RAB38: variants seen among roughly 807,000 people sequenced by gnomAD.
The protein encoded by RAB38 is RAB38, member RAS oncogene family.
A neutral mutation model predicts 18.4 loss-of-function variants in RAB38; 15 were observed. That is an observed-to-expected ratio of 0.82 (90% CI 0.55 to 1.26). The LOEUF is 1.26. Ranked by LOEUF, RAB38 falls within the 50% of genes most tolerant of loss-of-function variation. RAB38 has a pLI of 0.00. For missense variants in RAB38, 294 were observed against 267.4 expected (o/e 1.10, Z -0.69); for synonymous variants, 101 against 104.4 (o/e 0.97, Z 0.20).
the RAB38 span, among the ~76,000 whole-genome samples, chr11:88,107,460 T>C: frequency 6.6e-6 from 1 of 152,120 alleles, no homozygotes; most frequent in Non-Finnish European, 1.5e-5. Flanking sequence ...CTACATGTAT[T>C]GATTACTTGT....
rs914005717 is a variant in RAB38, at chr11:88,113,900, T to C, written c.*88A>G. On this transcript the variant is annotated 3_prime_UTR_variant, in exon 3 of 3. Coordinates refer to ENST00000243662, the MANE Select transcript of RAB38 (RefSeq NM_022337.3). ...TGGCTTGCCACATGTGGTATCTCTA[T>C]CCTGACGTTTACCCAAAATGGTAAA... is the stretch of plus-strand genomic sequence containing the variant. The C allele has an allele frequency of 1.6e-5, 24 of 1,514,174 alleles. No individual in the cohort carries two copies. In the East Asian group the frequency reaches 5.4e-4, roughly 34 times the overall value. The allele number at this position is 1,514,174 out of a possible 1,614,324, so 93.8% of individuals were successfully genotyped here.
chr11:87,964,049 A>G, the RAB38 span, among the ~76,000 whole-genome samples: 1 of 152,214 alleles, frequency 6.6e-6, no homozygotes, highest in African/African-American at 2.4e-5. Flanking sequence ...TAAGTCCTCC[A>G]AAAATGGAGC....
chr11:87,806,116 A>C, the RAB38 span, among the ~76,000 whole-genome samples: 3 of 152,350 alleles, frequency 2.0e-5, no homozygotes, highest in South Asian at 6.2e-4. Context: ...TTAAAGTGTG[A>C]TAACTGATAA....
At chr11:87,875,290 T>C in the RAB38 span, among the ~76,000 whole-genome samples, 1 of 151,352 alleles carries the variant, frequency 6.6e-6, no homozygotes, top group African/African-American at 2.4e-5. Flanking sequence ...AGTCCACAAA[T>C]GTATGCAATT....
intron 1 of RAB38, among the ~76,000 whole-genome samples, chr11:88,158,828 A>C (rs1015141239): frequency 2.0e-5 from 3 of 152,080 alleles, no homozygotes; most frequent in Non-Finnish European, 4.4e-5. Flanking sequence ...AGAGGCAAAA[A>C]GTAGAAGCAA....
At chr11:88,035,580 A>C in the RAB38 span, among the ~76,000 whole-genome samples, 4 of 152,214 alleles carry the variant, frequency 2.6e-5, no homozygotes, top group African/African-American at 7.2e-5. Flanking sequence ...CCAATATTCA[A>C]GGGCAAGAAG....
the RAB38 span, among the ~76,000 whole-genome samples, chr11:87,874,942 C>A: frequency 6.6e-6 from 1 of 151,330 alleles, no homozygotes; most frequent in African/African-American, 2.4e-5. Flanking sequence ...CATCCCACTT[C>A]TGGGTATATA....
chr11:87,960,565 G>T, the RAB38 span, among the ~76,000 whole-genome samples: 1 of 152,096 alleles, frequency 6.6e-6, no homozygotes, highest in Non-Finnish European at 1.5e-5. Context: ...CACTCTATGA[G>T]GTAATTTAAA....
the RAB38 span, among the ~76,000 whole-genome samples, chr11:88,037,970 T>C: frequency 6.6e-6 from 1 of 152,114 alleles, no homozygotes; most frequent in Non-Finnish European, 1.5e-5. Context: ...ATGGTGAGAG[T>C]ATAAATTGTC....
the RAB38 span, among the ~76,000 whole-genome samples, chr11:87,951,498 CTCTGTTTTTTTTT>C: frequency 7.0e-6 from 1 of 142,830 alleles, no homozygotes; most frequent in African/African-American, 2.8e-5. Context: ...GGTTTTTCTG[CTCTGTTTTTTTTT>C]TCCCATCTTT....
the RAB38 span, among the ~76,000 whole-genome samples, chr11:87,895,908 C>T: frequency 2.6e-5 from 4 of 151,620 alleles, no homozygotes; most frequent in Non-Finnish European, 4.4e-5. Context: ...AGGAACATTT[C>T]CTGAAACTAT....
chr11:87,960,227 C>T, the RAB38 span, among the ~76,000 whole-genome samples: 2 of 152,022 alleles, frequency 1.3e-5, no homozygotes, highest in African/African-American at 4.8e-5. Flanking sequence ...ATTCCTGAGC[C>T]CCTTCCCTAG....
chr11:87,970,679 G>A, the RAB38 span, among the ~76,000 whole-genome samples: 1 of 152,070 alleles, frequency 6.6e-6, no homozygotes, highest in Non-Finnish European at 1.5e-5. Context: ...ACATTCTCCA[G>A]GTAGTTGGAG....
intron 1 of RAB38, among the ~76,000 whole-genome samples, chr11:88,160,039 A>C (rs1399288126): frequency 1.3e-5 from 2 of 152,108 alleles, no homozygotes; most frequent in Non-Finnish European, 2.9e-5. Flanking sequence ...GAGTAAACAG[A>C]CAATCTACAG....
At chr11:88,054,570 T>C in the RAB38 span, among the ~76,000 whole-genome samples, 1 of 152,188 alleles carries the variant, frequency 6.6e-6, no homozygotes, top group African/African-American at 2.4e-5. Context: ...GGATGTGACA[T>C]AATCTCTGTC....
the RAB38 span, among the ~76,000 whole-genome samples, chr11:88,005,207 C>G: frequency 6.6e-6 from 1 of 151,324 alleles, no homozygotes; most frequent in Non-Finnish European, 1.5e-5. Flanking sequence ...GGAATAAACT[C>G]AGAGAATTCA....
chr11:87,922,961 TAAGG>T, the RAB38 span, among the ~76,000 whole-genome samples: 16 of 147,850 alleles, frequency 1.1e-4, no homozygotes, highest in East Asian at 2.0e-4. Context: ...AAGGAAAAAG[TAAGG>T]AAGGAAGGAA....
At chr11:88,163,635 G>A (rs1329598575) in intron 1 of RAB38, among the ~76,000 whole-genome samples, 2 of 152,064 alleles carry the variant, frequency 1.3e-5, no homozygotes, top group Non-Finnish European at 2.9e-5. Flanking sequence ...GAATAAAATG[G>A]CATAAAAGGT....
chr11:87,807,516 G>A, the RAB38 span, among the ~76,000 whole-genome samples: 1 of 152,186 alleles, frequency 6.6e-6, no homozygotes, highest in Admixed American at 6.5e-5. Context: ...TTCTGTTTCA[G>A]TCAGGGACCA....
Sources: allele counts gnomAD v4.1 joint callset (sites outside exome capture counted in the v4.1 genomes callset), GRCh38; gene constraint gnomAD v4.1.1; transcripts MANE v1.5; gene names NCBI Gene and HGNC (gene_info 2026-07-23, HGNC 2026-07-21).